Variants in DLG2 observed in about 807,000 individuals in gnomAD.
DLG2 encodes discs large MAGUK scaffold protein 2, also known as disks large homolog 2.
Under a neutral mutation model 132.5 loss-of-function variants are expected in DLG2, and 45 were observed. The observed-to-expected ratio is 0.34, with a 90% CI of 0.27 to 0.44. The LOEUF (loss-of-function observed/expected upper bound fraction) is 0.44. Ranked by LOEUF, DLG2 falls within the 20% of genes least tolerant of loss-of-function variation. The pLI is 1.00. For missense variants in DLG2, 1,045 were observed against 1,196.9 expected (o/e 0.87, Z 1.87); for synonymous variants, 424 against 419.6 (o/e 1.01, Z -0.13).
chr11:85,279,040 A>G (rs2078070973), intron 4 of DLG2, among the ~76,000 whole-genome samples: 1 of 152,194 alleles, frequency 6.6e-6, no homozygotes, highest in Non-Finnish European at 1.5e-5. Flanking sequence ...TATAAGATCA[A>G]ATAAAAAACT....
chr11:84,715,507 TG>T (rs2061117908), intron 6 of DLG2, among the ~76,000 whole-genome samples: 1 of 152,090 alleles, frequency 6.6e-6, no homozygotes, highest in African/African-American at 2.4e-5. Context: ...ACCGCAACTT[TG>T]TTTCCTGCAA....
intron 6 of DLG2, among the ~76,000 whole-genome samples, chr11:85,052,264 A>G (rs2062976846): frequency 6.6e-6 from 1 of 152,210 alleles, no homozygotes; most frequent in Non-Finnish European, 1.5e-5. Context: ...CATCGTTGGG[A>G]GTTCATAGTC....
intron 6 of DLG2, among the ~76,000 whole-genome samples, chr11:84,845,791 T>A (rs1327353444): frequency 6.6e-6 from 1 of 151,686 alleles, no homozygotes; most frequent in East Asian, 1.9e-4. Context: ...GTGATATCCC[T>A]GCCTCAGCCT....
At chr11:83,802,544 A>G (rs1340842936) in intron 17 of DLG2, among the ~76,000 whole-genome samples, 1 of 152,134 alleles carries the variant, frequency 6.6e-6, no homozygotes, top group African/African-American at 2.4e-5. Flanking sequence ...TTCTTTATTT[A>G]AACTTAGTTT....
Position 83,930,548 on chromosome 11 carries a change from C to T in DLG2, c.1341-65G>A, listed in dbSNP as rs2079977283. ...TACATACAAGGAACACCTGTGCAACCAGTAGCATCTCAGCATGTGCAAAAG... is the reference window on the plus strand; with the variant it reads ...TACATACAAGGAACACCTGTGCAACTAGTAGCATCTCAGCATGTGCAAAAG... On this transcript the variant is annotated intron_variant, in intron 14 of 27. Transcript: ENST00000376104. 5 of 1,468,538 alleles carry T rather than the reference C, an allele frequency of 3.4e-6. No homozygotes were observed. In the South Asian group the frequency reaches 5.4e-5, roughly 16 times the overall value. 91.0% of individuals were successfully genotyped at this position (1,468,538 alleles called of 1,614,324 possible). A position where few individuals can be genotyped will look rare whatever the true frequency, so the allele number is the denominator to read the frequency against.
At chr11:84,400,063 G>A (rs536902210) in intron 7 of DLG2, among the ~76,000 whole-genome samples, 94 of 152,308 alleles carry the variant, frequency 6.2e-4, no homozygotes, top group South Asian at 2.1e-3. Context: ...CTACTGGGGG[G>A]ACACTAAAAC....
At chr11:85,135,662 T>C (rs993373106) in intron 5 of DLG2, among the ~76,000 whole-genome samples, 1 of 152,226 alleles carries the variant, frequency 6.6e-6, no homozygotes, top group Non-Finnish European at 1.5e-5. Context: ...GACACATGTT[T>C]GTTGAGCACT....
rs143148214 is a variant in DLG2 at position 85,065,817 on chromosome 11, C to T, written c.357+45844G>A. The stretch of plus-strand genomic sequence containing the variant: ...CCAAATCTCTGGGGTACAGAAAAAG[C>T]AGTGCTAAGAGAAAAGTTTATGGTG... On this transcript the variant is annotated intron_variant, in intron 6 of 27. Coordinates refer to ENST00000376104, the MANE Select transcript of DLG2 (RefSeq NM_001142699.3). Among the ~76,000 whole-genome samples, 559 of 150,854 alleles carry T rather than the reference C, an allele frequency of 3.7e-3. 4 individuals are homozygous for T. The highest frequency in any genetic ancestry group is 0.013 in the African/African-American group (546 of 41,302).
chr11:84,271,492 T>A (rs2154364387), intron 7 of DLG2, among the ~76,000 whole-genome samples: 1 of 152,328 alleles, frequency 6.6e-6, no homozygotes, highest in East Asian at 1.9e-4. Flanking sequence ...CTGAGTTTTC[T>A]CCAGATGGAC....
chr11:83,896,449 G>T (rs533089091), intron 15 of DLG2, among the ~76,000 whole-genome samples: 3 of 152,176 alleles, frequency 2.0e-5, no homozygotes, highest in Non-Finnish European at 4.4e-5. Flanking sequence ...GATGCTCACT[G>T]TTATTACAGT....
intron 3 of DLG2, among the ~76,000 whole-genome samples, chr11:85,573,197 A>C (rs1027632009): frequency 6.6e-6 from 1 of 152,060 alleles, no homozygotes; most frequent in African/African-American, 2.4e-5. Flanking sequence ...AACCAATTAA[A>C]TCTCTCTCAT....
intron 8 of DLG2, among the ~76,000 whole-genome samples, chr11:84,205,830 T>C (rs1318475261): frequency 6.6e-6 from 1 of 151,664 alleles, no homozygotes; most frequent in Non-Finnish European, 1.5e-5. Context: ...TAAAAGAAAA[T>C]AATGAAGGAC....
At chr11:84,747,097 C>T (rs1463370596) in intron 6 of DLG2, among the ~76,000 whole-genome samples, 2 of 152,056 alleles carry the variant, frequency 1.3e-5, no homozygotes, top group Non-Finnish European at 2.9e-5. Flanking sequence ...CAATGTTTCT[C>T]CTAAGGTACA....
At chr11:83,639,099 T>C (rs1202202284) in intron 18 of DLG2, among the ~76,000 whole-genome samples, 2 of 152,222 alleles carry the variant, frequency 1.3e-5, no homozygotes, top group Non-Finnish European at 2.9e-5. Context: ...CAGCTGCTCA[T>C]GTCTTCGAGA....
chr11:84,390,402 C>A (rs373621985), intron 7 of DLG2, among the ~76,000 whole-genome samples: 1 of 152,294 alleles, frequency 6.6e-6, no homozygotes, highest in East Asian at 1.9e-4. Context: ...ATGCCAGACA[C>A]TTTACTGTAC....
At chr11:84,532,557 G>A (rs766283314) in intron 7 of DLG2, among the ~76,000 whole-genome samples, 15 of 152,138 alleles carry the variant, frequency 9.9e-5, no homozygotes, top group South Asian at 6.2e-4. Flanking sequence ...GTGCAGTGGC[G>A]TGATCATGGC....
rs116117440 is a variant in DLG2 at position 83,752,839 on chromosome 11, C to T, written c.1825+33851G>A. On this transcript the variant is annotated intron_variant, in intron 18 of 27. Coordinates refer to ENST00000376104, the MANE Select transcript of DLG2 (RefSeq NM_001142699.3). ...TGGCCAGAAATATGGGAAATTCATC[C>T]ACAGTTCCAGGAAAGAAATTACAGA... Among the ~76,000 whole-genome samples the T allele has an allele frequency of 1.6e-3, 251 of 152,228 alleles. 1 individual carries two copies. Among genetic ancestry groups the T allele is most frequent in the African/African-American group, 6.0e-3 (249 of 41,552 alleles).
intron 6 of DLG2, among the ~76,000 whole-genome samples, chr11:84,944,433 G>T (rs1449169089): frequency 1.3e-5 from 2 of 150,962 alleles, no homozygotes; most frequent in Non-Finnish European, 2.9e-5. Flanking sequence ...TTTTTCTTTT[G>T]TCTCCTCTGG....
intron 3 of DLG2, among the ~76,000 whole-genome samples, chr11:85,287,153 A>T (rs946503372): frequency 1.3e-5 from 2 of 152,120 alleles, no homozygotes; most frequent in Non-Finnish European, 2.9e-5. Flanking sequence ...CAAACCTATT[A>T]AATTATGCAT....
Sources: gnomAD v4.1 joint callset for allele counts (sites outside exome capture counted in the v4.1 genomes callset) on GRCh38, gnomAD v4.1.1 for gene constraint, MANE v1.5 for transcripts, NCBI Gene and HGNC (gene_info 2026-07-23, HGNC 2026-07-21) for gene names.